LCE2B: variants seen among roughly 807,000 people sequenced by gnomAD.
The protein encoded by LCE2B is late cornified envelope protein 2B.
For synonymous variants in LCE2B, 69 were observed against 52.0 expected (o/e 1.33, Z -1.40); for missense variants, 175 against 141.6 (o/e 1.24, Z -1.20).
In LCE2B at chr1:152,687,097, G is replaced by T; in HGVS notation, c.254G>T (p.Arg85Leu). Residue 85 changes from arginine (R) to leucine (L), a missense_variant, in exon 2 of 2, where the codon CGG becomes CTG. Coordinates refer to ENST00000368780, the MANE Select transcript of LCE2B (RefSeq NM_014357.5). ...AGGCCCCGTCTCTTCCACCGGCGCC[G>T]GCACCAGAGCCCCGACTGCTGTGAG... ...HHRPRLFHRR[R>L]HQSPDCCESE... 1 of 1,613,656 alleles carries T rather than the reference G, an allele frequency of 6.2e-7. No homozygotes were observed. The highest frequency in any genetic ancestry group is 1.1e-5 in the South Asian group (1 of 91,000).
intron 1 of LCE2B, among the ~76,000 whole-genome samples, 165 bp downstream of exon 1, chr1:152,686,321 C>T (rs1057215486): frequency 3.3e-5 from 5 of 152,020 alleles, no homozygotes; most frequent in South Asian, 4.2e-4. Context: ...TACCGGAGGT[C>T]GTATAGGTGG....
At position 152,687,356 on chromosome 1, in the gene LCE2B, T is replaced by A; in HGVS notation, c.*180T>A. 1.3e-6 allele frequency: 1 copy of A among 796,820 alleles called. No individual in the cohort carries two copies. The highest frequency in any genetic ancestry group is 2.0e-6 in the Non-Finnish European group (1 of 512,166). 49.4% of individuals were successfully genotyped at this position (796,820 alleles called of 1,614,324 possible). A position where few individuals can be genotyped will look rare whatever the true frequency, so the allele number is the denominator to read the frequency against. ...ACCTCAATTGCAGGTTTTGTTTTCC[T>A]CCTTTACCTCATGTTATAATAAAGC... On this transcript the variant is annotated 3_prime_UTR_variant, in exon 2 of 2. Coordinates refer to ENST00000368780, the MANE Select transcript of LCE2B (RefSeq NM_014357.5).
chr1:152,686,886 A>C lies in LCE2B; in HGVS notation c.43A>C (p.Lys15Gln). 6.2e-7 allele frequency: 1 copy of C among 1,614,050 alleles called. No homozygotes were observed. The change falls in exon 2 of 2, where the codon AAG becomes CAG. Residue 15 changes from lysine to glutamine, a missense_variant. Coordinates refer to ENST00000368780, the MANE Select transcript of LCE2B (RefSeq NM_014357.5). Reference protein sequence around the residue: ...QNQQQCQPPPKCPPKCTPKCP... With the variant: ...QNQQQCQPPPQCPPKCTPKCP... ...CCAGCAGCAGTGCCAGCCCCCTCCC[A>C]AGTGTCCTCCCAAGTGTACCCCAAA...
intron 1 of LCE2B, 52 bp from the exon 2 acceptor site, chr1:152,686,772 T>A (rs1307407059): frequency 3.8e-6 from 6 of 1,575,366 alleles, no homozygotes; most frequent in Non-Finnish European, 5.2e-6. Flanking sequence ...AGAAGAGGTA[T>A]AATATGATCC....
chr1:152,687,007 G>A lies in LCE2B; in HGVS notation c.164G>A (p.Cys55Tyr), dbSNP rs776809696. The stretch of plus-strand genomic sequence containing the variant: ...TGCTGTGGTCCCATCTCTGGGGGCT[G>A]CTGTGGTCCCAGCTCTGGGGGCTGC... ...SSCCGPISGG[C>Y]CGPSSGGCCN... The change falls in exon 2 of 2, where the codon TGC becomes TAC. Residue 55 changes from cysteine (C) to tyrosine (Y), a missense_variant. Physicochemically the swap from Cys to Tyr is radical, Grantham distance 194 (BLOSUM62 -2). Transcript: ENST00000368780. 2.5e-6 allele frequency: 4 copies of A among 1,613,708 alleles called. No individual in the cohort carries two copies. The highest frequency in any genetic ancestry group is 2.2e-5 in the South Asian group (2 of 91,068).
intron 1 of LCE2B, 123 bp from the exon 2 acceptor site, chr1:152,686,701 A>C: frequency 2.3e-6 from 3 of 1,316,770 alleles, no homozygotes; most frequent in Non-Finnish European, 3.1e-6. Flanking sequence ...TGTTTCTTTC[A>C]GGTTACTGAT....
rs762522058 is a variant in LCE2B, at chr1:152,687,212, A to G, written c.*36A>G. 5 of 1,589,866 alleles carry G rather than the reference A, an allele frequency of 3.1e-6. No individual in the cohort carries two copies. Among genetic ancestry groups the G allele is most frequent in the Non-Finnish European group, 4.3e-6 (5 of 1,168,990 alleles). On this transcript the variant is annotated 3_prime_UTR_variant, in exon 2 of 2. Coordinates refer to ENST00000368780, the MANE Select transcript of LCE2B (RefSeq NM_014357.5). Reference sequence around the variant, plus strand: ...GAAGAACTCTTTGGACAGAATGTTTAAGAACCTCCTACAGCCTGATGCTTA... The same window carrying G: ...GAAGAACTCTTTGGACAGAATGTTTGAGAACCTCCTACAGCCTGATGCTTA...
chr1:152,686,562 T>C (rs1207574522), intron 1 of LCE2B, among the ~76,000 whole-genome samples: 1 of 152,010 alleles, frequency 6.6e-6, no homozygotes, highest in Non-Finnish European at 1.5e-5. Context: ...CGGTACTTCA[T>C]GGAGTGTGAA....
At chr1:152,686,666 T>C (rs540108508) in intron 1 of LCE2B, among the ~76,000 whole-genome samples, 158 bp from the exon 2 acceptor site, 6 of 152,212 alleles carry the variant, frequency 3.9e-5, no homozygotes, top group Non-Finnish European at 7.3e-5. Flanking sequence ...ATGTATGTGC[T>C]TTTATTTAGA....
rs775390232 is a variant in LCE2B at position 152,687,081 on chromosome 1, C to A, written c.238C>A (p.Leu80Ile). The change falls in exon 2 of 2, where the codon CTC (leucine) becomes ATC (isoleucine). Residue 80 changes from leucine (L) to isoleucine (I), a missense_variant. Physicochemically the swap from Leu to Ile is conservative, Grantham distance 5. Transcript: ENST00000368780. Reference protein sequence around the residue: ...GCCLSHHRPRLFHRRRHQSPD... With the variant: ...GCCLSHHRPRIFHRRRHQSPD... ...CTGCCTGAGCCACCACAGGCCCCGT[C>A]TCTTCCACCGGCGCCGGCACCAGAG... 1 of 1,613,696 alleles carries A rather than the reference C, an allele frequency of 6.2e-7. No homozygotes were observed. Among genetic ancestry groups the A allele is most frequent in the Admixed American group, 1.7e-5 (1 of 59,978 alleles).
At position 152,687,011 on chromosome 1, in the gene LCE2B, T is replaced by G; in HGVS notation, c.168T>G (p.Cys56Trp). Residue 56 changes from cysteine (C) to tryptophan (W), a missense_variant, in exon 2 of 2, where the codon TGT (cysteine) becomes TGG (tryptophan). By Grantham distance (215) the Cys-to-Trp change is radical. Coordinates refer to ENST00000368780, the MANE Select transcript of LCE2B (RefSeq NM_014357.5). ...SCCGPISGGC[C>W]GPSSGGCCNS... is the part of the protein sequence containing the mutation. ...GTGGTCCCATCTCTGGGGGCTGCTG[T>G]GGTCCCAGCTCTGGGGGCTGCTGCA... The G allele has an allele frequency of 6.2e-7, 1 of 1,613,572 alleles. No individual in the cohort carries two copies.
chr1:152,686,987 T>C lies in LCE2B; in HGVS notation c.144T>C (p.Cys48=), dbSNP rs1274642211. ...APCSPAVSSC[C]GPISGGCCGP... Reference sequence around the variant, plus strand: ...GTTCCCCTGCAGTCTCTTCTTGCTGTGGTCCCATCTCTGGGGGCTGCTGTG... The same window carrying C: ...GTTCCCCTGCAGTCTCTTCTTGCTGCGGTCCCATCTCTGGGGGCTGCTGTG... The change falls in exon 2 of 2, where the codon TGT becomes TGC. Residue 48 remains cysteine, a synonymous_variant. Transcript: ENST00000368780. 6.2e-7 allele frequency: 1 copy of C among 1,612,934 alleles called. No homozygotes were observed. Among genetic ancestry groups the C allele is most frequent in the South Asian group, 1.1e-5 (1 of 90,894 alleles).
In LCE2B at chr1:152,686,851, G is replaced by A. The variant is rs61730790; in HGVS notation, c.8G>A (p.Cys3Tyr). The A allele has an allele frequency of 4.0e-5, 65 of 1,614,094 alleles. No homozygotes were observed. The African/African-American group carries it at 6.1e-4, about 15-fold the overall frequency. The change falls in exon 2 of 2, where the codon TGC becomes TAC. Residue 3 changes from cysteine (C) to tyrosine (Y), a missense_variant. By Grantham distance (194) the Cys-to-Tyr change is radical (BLOSUM62 -2). Transcript: ENST00000368780. ...TGACTAAACTCTGCCAGGATGTCTTGCCAGCAAAACCAGCAGCAGTGCCAG... is the reference window on the plus strand; with the variant it reads ...TGACTAAACTCTGCCAGGATGTCTTACCAGCAAAACCAGCAGCAGTGCCAG... MS[C>Y]QQNQQQCQPP...
At chr1:152,686,707 C>G in intron 1 of LCE2B, 117 bp from the exon 2 acceptor site, 1 of 1,358,666 alleles carries the variant, frequency 7.4e-7, no homozygotes, top group Non-Finnish European at 1.0e-6. Context: ...TTTCAGGTTA[C>G]TGATGTGACT....
rs780713105 is a variant in LCE2B, at chr1:152,686,960, A to G, written c.117A>G (p.Pro39=). 1 of 1,612,828 alleles carries G rather than the reference A, an allele frequency of 6.2e-7. No homozygotes were observed. The highest frequency in any genetic ancestry group is 1.1e-5 in the South Asian group (1 of 91,070). Residue 39 remains proline (P), a synonymous_variant, in exon 2 of 2, where the codon CCA becomes CCG. Coordinates refer to ENST00000368780, the MANE Select transcript of LCE2B (RefSeq NM_014357.5). ...AATGCCTGCCCCAGTGCCCAGCTCC[A>G]TGTTCCCCTGCAGTCTCTTCTTGCT... is the stretch of plus-strand genomic sequence containing the variant. The part of the protein sequence containing the change: ...PPKCLPQCPA[P]CSPAVSSCCG...
Position 152,687,357 on chromosome 1 carries a change from C to A in LCE2B, c.*181C>A. On this transcript the variant is annotated 3_prime_UTR_variant, in exon 2 of 2. Transcript: ENST00000368780. ...CCTCAATTGCAGGTTTTGTTTTCCT[C>A]CTTTACCTCATGTTATAATAAAGCT... 1 of 797,288 alleles carries A rather than the reference C, an allele frequency of 1.3e-6. No individual in the cohort carries two copies. The highest frequency in any genetic ancestry group is 2.0e-6 in the Non-Finnish European group (1 of 512,774). 49.4% of individuals were successfully genotyped at this position (797,288 alleles called of 1,614,324 possible).
In LCE2B at chr1:152,686,769, G is replaced by T. The variant is rs1031230557; in HGVS notation, c.-20-55G>T. On this transcript the variant is annotated intron_variant, in intron 1 of 1. Coordinates refer to ENST00000368780, the MANE Select transcript of LCE2B (RefSeq NM_014357.5). ...TACACATGCATTGATTTTAGAAGAG[G>T]TATAATATGATCCTTGGTTTGAAAT... The T allele has an allele frequency of 1.9e-6, 3 of 1,566,780 alleles. No homozygotes were observed. In the East Asian group the frequency reaches 6.7e-5, roughly 35 times the overall value.
intron 1 of LCE2B, among the ~76,000 whole-genome samples, chr1:152,686,448 CA>C (rs1282211801): frequency 6.6e-6 from 1 of 151,614 alleles, no homozygotes; most frequent in Non-Finnish European, 1.5e-5. Flanking sequence ...TACTTCAAGC[CA>C]GGCTCTTTTA....
rs1184788357 is a variant in LCE2B at position 152,687,343 on chromosome 1, G to C, written c.*167G>C. The C allele has an allele frequency of 1.1e-6, 1 of 948,676 alleles. No homozygotes were observed. Among genetic ancestry groups the C allele is most frequent in the Admixed American group, 3.0e-5 (1 of 33,500 alleles). 58.8% of individuals were successfully genotyped at this position (948,676 alleles called of 1,614,324 possible). A position where few individuals can be genotyped will look rare whatever the true frequency, so the allele number is the denominator to read the frequency against. On this transcript the variant is annotated 3_prime_UTR_variant, in exon 2 of 2. Coordinates refer to ENST00000368780, the MANE Select transcript of LCE2B (RefSeq NM_014357.5). ...CACTTGATGGAGCACCTCAATTGCA[G>C]GTTTTGTTTTCCTCCTTTACCTCAT... is the stretch of plus-strand genomic sequence containing the variant.
Sources: allele counts gnomAD v4.1 joint callset (sites outside exome capture counted in the v4.1 genomes callset), GRCh38; gene constraint gnomAD v4.1.1; transcripts MANE v1.5; gene names NCBI Gene and HGNC (gene_info 2026-07-23, HGNC 2026-07-21).